Variants in SORCS3 observed in about 807,000 individuals in gnomAD.
SORCS3 encodes the protein sortilin related VPS10 domain containing receptor 3, also known as VPS10 domain-containing receptor SorCS3.
Under a neutral mutation model 146.3 loss-of-function variants are expected in SORCS3, and 57 were observed. The observed-to-expected ratio is 0.39, with a 90% CI of 0.31 to 0.49. The LOEUF (loss-of-function observed/expected upper bound fraction) is 0.49. SORCS3 is among the 20% of genes least tolerant of loss of function. The pLI, the probability that SORCS3 is intolerant of heterozygous loss-of-function variation, is 0.92. For missense variants in SORCS3, 1,341 were observed against 1,575.5 expected, an observed-to-expected ratio of 0.85 and a Z score of 2.52; for synonymous variants, 653 against 618.5, an observed-to-expected ratio of 1.06 and a Z score of -0.83.
intron 3 of SORCS3, among the ~76,000 whole-genome samples, chr10:104,921,835 T>A (rs1167540243): frequency 6.6e-6 from 1 of 152,158 alleles, no homozygotes; most frequent in Non-Finnish European, 1.5e-5. Context: ...TGAGTTGTAA[T>A]CATCACTCTA....
At chr10:104,877,267 G>T (rs900177877) in intron 2 of SORCS3, among the ~76,000 whole-genome samples, 6 of 151,932 alleles carry the variant, frequency 3.9e-5, no homozygotes, top group Admixed American at 2.6e-4. Flanking sequence ...TTATTATTTC[G>T]TCTTAAATGT....
intron 1 of SORCS3, among the ~76,000 whole-genome samples, chr10:104,808,634 A>G (rs1254114944): frequency 6.6e-6 from 1 of 152,214 alleles, no homozygotes; most frequent in East Asian, 1.9e-4. Flanking sequence ...TTCCATGTAA[A>G]TGAGATGGTG....
At chr10:105,175,819 G>C (rs924049383) in intron 13 of SORCS3, among the ~76,000 whole-genome samples, 4 of 152,202 alleles carry the variant, frequency 2.6e-5, no homozygotes, top group South Asian at 2.1e-4. Context: ...ATGGCAGACT[G>C]TCTGCATTTC....
intron 2 of SORCS3, among the ~76,000 whole-genome samples, chr10:104,883,683 C>T (rs1216585920): frequency 1.3e-5 from 2 of 152,118 alleles, no homozygotes; most frequent in Non-Finnish European, 2.9e-5. Flanking sequence ...CTACTCTATT[C>T]CCCTTTTAAG....
chr10:105,234,878 G>A (rs970280145), intron 20 of SORCS3, among the ~76,000 whole-genome samples: 13 of 151,852 alleles, frequency 8.6e-5, no homozygotes, highest in Non-Finnish European at 1.9e-4. Context: ...TACTTTCTCT[G>A]TGTCTTCTAT....
At chr10:104,721,925 A>G (rs2016555009) in intron 1 of SORCS3, among the ~76,000 whole-genome samples, 1 of 152,230 alleles carries the variant, frequency 6.6e-6, no homozygotes, top group Non-Finnish European at 1.5e-5. Flanking sequence ...ATCTGCAAAC[A>G]GGAACAATTT....
chr10:105,153,004 T>C (rs976869606), intron 9 of SORCS3, among the ~76,000 whole-genome samples: 1 of 152,162 alleles, frequency 6.6e-6, no homozygotes, highest in African/African-American at 2.4e-5. Flanking sequence ...TTAGTATAAG[T>C]TCTGTGAGTT....
At chr10:105,242,381 T>C (rs1257774460) in intron 20 of SORCS3, among the ~76,000 whole-genome samples, 3 of 120,164 alleles carry the variant, frequency 2.5e-5, no homozygotes, top group Non-Finnish European at 4.8e-5. Context: ...TACATATATT[T>C]ATATATATTT....
intron 2 of SORCS3, among the ~76,000 whole-genome samples, chr10:104,909,228 A>C (rs2018940656): frequency 6.6e-6 from 1 of 152,074 alleles, no homozygotes; most frequent in Non-Finnish European, 1.5e-5. Context: ...AATATTTACT[A>C]TCTGGTTGTT....
rs769733280 is a variant in SORCS3 at position 104,870,741 on chromosome 10, G to A, written c.695+27882G>A. Reference sequence around the variant, plus strand: ...ATTTTCCCATGTTGAGCATGACCTCGCAGGGCTGTGCCCAGCCTGATTTGA... The same window carrying A: ...ATTTTCCCATGTTGAGCATGACCTCACAGGGCTGTGCCCAGCCTGATTTGA... On this transcript the variant is annotated intron_variant, in intron 2 of 26. Coordinates refer to ENST00000369701, the MANE Select transcript of SORCS3 (RefSeq NM_014978.3). Among the ~76,000 whole-genome samples, 5 of 152,158 alleles carry A rather than the reference G, an allele frequency of 3.3e-5. No homozygotes were observed. In the East Asian group the frequency reaches 7.7e-4, roughly 24 times the overall value.
In SORCS3 at chr10:105,158,894, C is replaced by A. The variant is rs367898736; in HGVS notation, c.1632C>A (p.Pro544=). 5 of 1,610,578 alleles carry A rather than the reference C, an allele frequency of 3.1e-6. No homozygotes were observed. The African/African-American group carries it at 4.0e-5, about 13-fold the overall frequency. ...AACTATTTCTTTCTCCATTTTAGCC[C>A]TTCTGTTCCTTACATCTGCACCTGC... ...LRGSPVHCLL[P]FCSLHLHLQL... Residue 544 remains proline, a splice_region_variant and synonymous_variant, in exon 11 of 27, where the codon CCC becomes CCA. Transcript: ENST00000369701.
chr10:105,196,979 TC>T (rs1387255574), intron 14 of SORCS3, among the ~76,000 whole-genome samples: 2 of 152,152 alleles, frequency 1.3e-5, no homozygotes, highest in African/African-American at 4.8e-5. Flanking sequence ...TTCCTGAAGT[TC>T]CAGGTGTTCT....
At chr10:105,165,400 A>G (rs2056304048) in intron 12 of SORCS3, among the ~76,000 whole-genome samples, 1 of 152,176 alleles carries the variant, frequency 6.6e-6, no homozygotes, top group Non-Finnish European at 1.5e-5. Flanking sequence ...AGAGAAAGAC[A>G]ATGAATATCT....
At position 105,263,338 on chromosome 10, in the gene SORCS3, A is replaced by C. The variant is rs765325672; in HGVS notation, c.3633A>C (p.Glu1211Asp). The C allele has an allele frequency of 1.2e-5, 19 of 1,614,122 alleles. No individual in the cohort carries two copies. Among genetic ancestry groups the C allele is most frequent in the Non-Finnish European group, 8.5e-6 (10 of 1,179,972 alleles). ...IGGIATIANS[E>D]STKEIPNCTS... is the part of the protein sequence containing the mutation. Reference sequence around the variant, plus strand: ...GCATTGCCACTATTGCAAACAGCGAAAGCACAAAGGAGATCCCCAACTGCA... The same window carrying C: ...GCATTGCCACTATTGCAAACAGCGACAGCACAAAGGAGATCCCCAACTGCA... The change falls in exon 27 of 27, where the codon GAA (glutamate) becomes GAC (aspartate). Residue 1211 changes from glutamate (E) to aspartate (D), a missense_variant. Transcript: ENST00000369701.
At chr10:104,756,474 A>G (rs1844541) in intron 1 of SORCS3, among the ~76,000 whole-genome samples, 19,185 of 152,236 alleles carry the variant, frequency 0.13, 2,263 homozygotes, top group African/African-American at 0.32. Flanking sequence ...GGAGAGCTCA[A>G]AGAGTTCAGC....
At chr10:105,179,851 G>C (rs1008193553) in intron 14 of SORCS3, among the ~76,000 whole-genome samples, 1 of 152,204 alleles carries the variant, frequency 6.6e-6, no homozygotes, top group African/African-American at 2.4e-5. Context: ...AAGACAGGGA[G>C]TCCATTTGGG....
At chr10:104,652,621 G>T (rs142681021) in intron 1 of SORCS3, among the ~76,000 whole-genome samples, 19 of 152,074 alleles carry the variant, frequency 1.2e-4, no homozygotes, top group Non-Finnish European at 2.8e-4. Flanking sequence ...CCATTAACAC[G>T]CATACCATGG....
intron 14 of SORCS3, among the ~76,000 whole-genome samples, chr10:105,198,893 A>G (rs2056558650): frequency 1.3e-5 from 2 of 152,222 alleles, no homozygotes; most frequent in Admixed American, 1.3e-4. Flanking sequence ...TGGATGATCC[A>G]CAAAAGCAAC....
At chr10:105,099,019 A>C (rs2055765683) in intron 6 of SORCS3, among the ~76,000 whole-genome samples, 1 of 152,202 alleles carries the variant, frequency 6.6e-6, no homozygotes, top group South Asian at 2.1e-4. Context: ...AAGGAATGGA[A>C]ACTTCCTTTT....
Sources: gnomAD v4.1 joint callset for allele counts (sites outside exome capture counted in the v4.1 genomes callset) on GRCh38, gnomAD v4.1.1 for gene constraint, MANE v1.5 for transcripts, NCBI Gene and HGNC (gene_info 2026-07-23, HGNC 2026-07-21) for gene names.